Variants in FOCAD observed in about 807,000 individuals in gnomAD.
FOCAD encodes KIAA1797.
FOCAD carries 198 observed loss-of-function variants against 225.6 expected under a neutral mutation model. The observed-to-expected ratio is 0.88, with a 90% CI of 0.78 to 0.99. The LOEUF is 0.99. FOCAD is among the 50% of genes least tolerant of loss of function. The probability of loss-of-function intolerance (pLI) is 0.00; values close to 1 mark genes in which losing one functional copy is unlikely to be tolerated. For missense variants in FOCAD, 2,713 were observed against 2,123.6 expected, an observed-to-expected ratio of 1.28 and a Z score of -5.46; for synonymous variants, 897 against 755.0, an observed-to-expected ratio of 1.19 and a Z score of -3.08.
intron 2 of FOCAD, among the ~76,000 whole-genome samples, chr9:20,672,206 C>T (rs1587190017): frequency 1.3e-5 from 2 of 152,270 alleles, no homozygotes; most frequent in South Asian, 4.1e-4. Flanking sequence ...TAAAATTCAA[C>T]TACAAGTGCA....
At chr9:20,799,993 TC>T (rs1400714571) in intron 11 of FOCAD, among the ~76,000 whole-genome samples, 1 of 152,154 alleles carries the variant, frequency 6.6e-6, no homozygotes, top group Non-Finnish European at 1.5e-5. Context: ...TACCAGTTGT[TC>T]CTTTTCATGT....
chr9:20,849,234 C>T (rs1201000801), intron 15 of FOCAD, among the ~76,000 whole-genome samples: 3 of 151,906 alleles, frequency 2.0e-5, no homozygotes, highest in Non-Finnish European at 2.9e-5. Flanking sequence ...TCTTGGTTCT[C>T]CTACTTTGCT....
chr9:20,870,301 T>A (rs1442052377), intron 18 of FOCAD, among the ~76,000 whole-genome samples: 1 of 152,200 alleles, frequency 6.6e-6, no homozygotes, highest in Non-Finnish European at 1.5e-5. Context: ...GTTTCTCTTT[T>A]TAACTGAATA....
At chr9:20,778,854 T>G in intron 9 of FOCAD, 86 bp downstream of exon 9, 1 of 635,418 alleles carries the variant, frequency 1.6e-6, no homozygotes, top group Non-Finnish European at 2.6e-6. Context: ...TCCTGCTATC[T>G]TGTGTATTTT....
At chr9:20,767,183 C>T (rs1314924365) in intron 7 of FOCAD, among the ~76,000 whole-genome samples, 6 of 150,854 alleles carry the variant, frequency 4.0e-5, no homozygotes, top group Non-Finnish European at 7.4e-5. Flanking sequence ...CATAGTATTC[C>T]ATGGTGTATA....
chr9:20,778,534 T>G, intron 8 of FOCAD, 147 bp from the exon 9 acceptor site: 2 of 516,138 alleles, frequency 3.9e-6, no homozygotes, highest in East Asian at 3.0e-5. Flanking sequence ...AATTCTTTCT[T>G]TAGTAGAGCA....
At chr9:20,747,555 A>G (rs1828154773) in intron 5 of FOCAD, among the ~76,000 whole-genome samples, 1 of 152,098 alleles carries the variant, frequency 6.6e-6, no homozygotes, top group Non-Finnish European at 1.5e-5. Context: ...TATTTTCATC[A>G]CCCCAAAAAG....
At chr9:20,673,210 C>G (rs1822128521) in intron 2 of FOCAD, among the ~76,000 whole-genome samples, 1 of 152,134 alleles carries the variant, frequency 6.6e-6, no homozygotes, top group African/African-American at 2.4e-5. Context: ...TTGACTATTA[C>G]AAATAATGCT....
chr9:20,951,005 G>A lies in FOCAD; in HGVS notation c.3958G>A (p.Val1320Ile), dbSNP rs1837636180. The change falls in exon 34 of 44, where the codon GTC becomes ATC. Residue 1320 changes from valine to isoleucine, a missense_variant. Transcript: ENST00000338382. Reference sequence around the variant, plus strand: ...ACCTTTTTATTTGTAGGTCATTAGTGTCTCTGGGGTGATTGGTCTCCAGTC... The same window carrying A: ...ACCTTTTTATTTGTAGGTCATTAGTATCTCTGGGGTGATTGGTCTCCAGTC... ...VIRTLTQVIS[V>I]SGVIGLQSNA... The A allele has an allele frequency of 6.2e-7, 1 of 1,612,984 alleles. No individual in the cohort carries two copies. The highest frequency in any genetic ancestry group is 8.5e-7 in the Non-Finnish European group (1 of 1,179,120).
rs377675732 is a variant in FOCAD at position 20,944,629 on chromosome 9, C to T, written c.3410C>T (p.Thr1137Met). 2.7e-5 allele frequency: 43 copies of T among 1,610,870 alleles called. No individual in the cohort carries two copies. Among genetic ancestry groups the T allele is most frequent in the East Asian group, 8.9e-5 (4 of 44,800 alleles). ...TCTTATCTTTTTTGGCTTCCAAGCA[C>T]GGGCTGTATATTGGGAGTTGGACTT... ...CCFDTSLEYN[T>M]GCILGVGLVL... Residue 1137 changes from threonine (T) to methionine (M), a missense_variant and splice_region_variant, in exon 29 of 44, where the codon ACG (threonine) becomes ATG (methionine). By Grantham distance (81) the Thr-to-Met change is moderately conservative. Coordinates refer to ENST00000338382, the MANE Select transcript of FOCAD (RefSeq NM_001375567.1).
rs755896046 is a variant in FOCAD, at chr9:20,912,964, C to G, written c.2807+10C>G. The G allele has an allele frequency of 5.1e-5, 82 of 1,605,766 alleles. No homozygotes were observed. The highest frequency in any genetic ancestry group is 6.7e-5 in the Non-Finnish European group (79 of 1,173,682). ...GCACAGCCTGGCTCTGGTAAGTGTT[C>G]ATGTTCAGCTGCCCATTATTTGTCA... On this transcript the variant is annotated intron_variant, in intron 23 of 43. Transcript: ENST00000338382.
At chr9:20,801,091 G>A (rs780993769) in intron 11 of FOCAD, among the ~76,000 whole-genome samples, 1 of 152,094 alleles carries the variant, frequency 6.6e-6, no homozygotes, top group Admixed American at 6.5e-5. Flanking sequence ...CTTCAGGTGC[G>A]TTGGAGTTTG....
chr9:20,921,717 A>G (rs1183077239), intron 24 of FOCAD, among the ~76,000 whole-genome samples: 1 of 152,192 alleles, frequency 6.6e-6, no homozygotes, highest in South Asian at 2.1e-4. Context: ...CAGTGTTTTT[A>G]AATAAATTTT....
intron 14 of FOCAD, 93 bp from the exon 15 acceptor site, chr9:20,822,896 A>C: frequency 7.9e-7 from 1 of 1,265,448 alleles, no homozygotes; most frequent in African/African-American, 1.6e-5. Context: ...AAGAGTATAG[A>C]AAATGATGGA....
At chr9:20,711,645 G>C (rs748240909) in intron 1 of FOCAD, among the ~76,000 whole-genome samples, 1 of 152,184 alleles carries the variant, frequency 6.6e-6, no homozygotes, top group Non-Finnish European at 1.5e-5. Context: ...AGAGAGTGGT[G>C]GTGAACGAAA....
intron 11 of FOCAD, among the ~76,000 whole-genome samples, chr9:20,790,280 C>T (rs1199701694): frequency 1.3e-5 from 2 of 152,098 alleles, no homozygotes; most frequent in Non-Finnish European, 2.9e-5. Flanking sequence ...TTGATAGAAT[C>T]TCTAGAATGC....
intron 10 of FOCAD, among the ~76,000 whole-genome samples, chr9:20,784,054 C>T (rs1192947705): frequency 2.0e-5 from 3 of 152,100 alleles, no homozygotes; most frequent in Non-Finnish European, 4.4e-5. Flanking sequence ...AAAAAGTCTC[C>T]CCAGACAATG....
intron 5 of FOCAD, among the ~76,000 whole-genome samples, chr9:20,749,584 A>G (rs1021649488): frequency 2.0e-5 from 3 of 152,216 alleles, no homozygotes; most frequent in Admixed American, 6.5e-5. Flanking sequence ...CAGAGCAGGT[A>G]GAGAAATGCT....
At chr9:20,871,485 A>G (rs1829761340) in intron 18 of FOCAD, among the ~76,000 whole-genome samples, 1 of 151,776 alleles carries the variant, frequency 6.6e-6, no homozygotes, top group Non-Finnish European at 1.5e-5. Context: ...CTATAGTTTT[A>G]CTCGCATTGA....
Sources: allele counts gnomAD v4.1 joint callset (sites outside exome capture counted in the v4.1 genomes callset), GRCh38; gene constraint gnomAD v4.1.1; transcripts MANE v1.5; gene names NCBI Gene and HGNC (gene_info 2026-07-23, HGNC 2026-07-21).